The following HTRA1 variants were observed in gnomAD, a reference collection of about 807,000 sequenced individuals.
HTRA1 encodes the protein HtrA serine peptidase 1.
HTRA1 carries 26 observed loss-of-function variants against 49.7 expected under a neutral mutation model. The ratio of observed to expected loss-of-function variants is 0.52; its 90% CI spans 0.38 to 0.73. The LOEUF (loss-of-function observed/expected upper bound fraction) is 0.73. Among genes scored for constraint, HTRA1 ranks in the 30% least tolerant of loss-of-function variants. The pLI is 0.00. For missense variants in HTRA1, 561 were observed against 667.2 expected (o/e 0.84, Z 1.75); for synonymous variants, 291 against 286.9 (o/e 1.01, Z -0.14).
At chr10:122,478,300 G>A (rs1050937120) in intron 1 of HTRA1, among the ~76,000 whole-genome samples, 1 of 151,992 alleles carries the variant, frequency 6.6e-6, no homozygotes, top group Admixed American at 6.6e-5. Flanking sequence ...GCACTGTTCT[G>A]GCATTGCAGA....
chr10:122,500,714 C>G (rs1355428562), intron 3 of HTRA1, among the ~76,000 whole-genome samples: 1 of 152,168 alleles, frequency 6.6e-6, no homozygotes, highest in African/African-American at 2.4e-5. Flanking sequence ...CTGAGGCGCG[C>G]TGTCAACCTG....
chr10:122,470,595 A>G (rs1363902923), intron 1 of HTRA1, among the ~76,000 whole-genome samples: 1 of 152,050 alleles, frequency 6.6e-6, no homozygotes, highest in Non-Finnish European at 1.5e-5. Flanking sequence ...GTCCAGTGAT[A>G]TAAGGAATAT....
chr10:122,509,721 T>A (rs2097504754), intron 6 of HTRA1, among the ~76,000 whole-genome samples: 1 of 152,084 alleles, frequency 6.6e-6, no homozygotes, highest in Non-Finnish European at 1.5e-5. Context: ...GGGGACCGGT[T>A]AAGGGGCTCT....
At chr10:122,502,471 T>C (rs979777155) in intron 3 of HTRA1, among the ~76,000 whole-genome samples, 3 of 152,220 alleles carry the variant, frequency 2.0e-5, no homozygotes, top group African/African-American at 7.2e-5. Context: ...CTGGAGCCCA[T>C]GGCCAGGACT....
intron 3 of HTRA1, among the ~76,000 whole-genome samples, chr10:122,496,224 G>GTTTTTTTTTTTTTTTTTTTTTTT (rs1565427091): frequency 9.4e-5 from 3 of 32,062 alleles, no homozygotes; most frequent in Non-Finnish European, 1.9e-4. Flanking sequence ...AGAGATTGTG[G>GTTTTTTTTTTTTTTTTTTTTTTT]GTTCTTTTTT....
chr10:122,500,284 T>C (rs1292915277), intron 3 of HTRA1, among the ~76,000 whole-genome samples: 4 of 152,196 alleles, frequency 2.6e-5, no homozygotes, highest in South Asian at 4.1e-4. Context: ...TCTGACCCCA[T>C]TGGGGAGTTG....
intron 1 of HTRA1, among the ~76,000 whole-genome samples, chr10:122,476,804 C>T (rs989554826): frequency 3.9e-5 from 6 of 152,070 alleles, no homozygotes; most frequent in Non-Finnish European, 5.9e-5. Context: ...CGCTCTCCCC[C>T]GCCTCTCTGT....
At chr10:122,511,618 AGCT>A (rs2097505605) in intron 7 of HTRA1, among the ~76,000 whole-genome samples, 1 of 151,930 alleles carries the variant, frequency 6.6e-6, no homozygotes, top group Admixed American at 6.6e-5. Flanking sequence ...CTGTAATCCC[AGCT>A]ACTCGGGTGG....
intron 7 of HTRA1, among the ~76,000 whole-genome samples, chr10:122,510,437 G>A (rs1449329575): frequency 6.6e-6 from 1 of 152,208 alleles, no homozygotes; most frequent in Non-Finnish European, 1.5e-5. Context: ...TGAACAGTGT[G>A]TGCGTGGTGG....
intron 1 of HTRA1, among the ~76,000 whole-genome samples, chr10:122,488,393 C>A (rs1031168448): frequency 2.6e-5 from 4 of 152,032 alleles, no homozygotes; most frequent in Admixed American, 6.6e-5. Flanking sequence ...CGTGGTGAAA[C>A]CCGGTCCCTA....
chr10:122,506,943 G>A lies in HTRA1; in HGVS notation c.972+58G>A, dbSNP rs2097503314. On this transcript the variant is annotated intron_variant, in intron 4 of 8. Coordinates refer to ENST00000368984, the MANE Select transcript of HTRA1 (RefSeq NM_002775.5). The surrounding 1 kb of genome is among the most constrained non-coding windows in gnomAD (Gnocchi z 5.2). Reference sequence around the variant, plus strand: ...GGGCAGAGTTTTGCCAGGGGGAGAGGAGTCAGCATAGGTCTTAGCCCCTGA... The same window carrying A: ...GGGCAGAGTTTTGCCAGGGGGAGAGAAGTCAGCATAGGTCTTAGCCCCTGA... 11 of 1,472,050 alleles carry A rather than the reference G, an allele frequency of 7.5e-6. No homozygotes were observed. The highest frequency in any genetic ancestry group is 1.9e-6 in the Non-Finnish European group (2 of 1,058,552). The allele number at this position is 1,472,050 out of a possible 1,614,324, so 91.2% of individuals were successfully genotyped here.
rs1311860114 is a variant in HTRA1, at chr10:122,487,932, G to C, written c.473-970G>C. On this transcript the variant is annotated intron_variant, in intron 1 of 8. Transcript: ENST00000368984. The surrounding 1 kb of genome is among the most constrained non-coding windows in gnomAD (Gnocchi z 4.8). ...TAGGTATAAAGCATTACAGTTGTTT[G>C]ATTTTTCTCTTTTTCTCACCCACAG... Among the ~76,000 whole-genome samples, 1 of 152,166 alleles carries C rather than the reference G, an allele frequency of 6.6e-6. No individual in the cohort carries two copies. The highest frequency in any genetic ancestry group is 1.5e-5 in the Non-Finnish European group (1 of 68,014).
intron 6 of HTRA1, among the ~76,000 whole-genome samples, chr10:122,509,215 C>A (rs1318282755): frequency 3.9e-5 from 6 of 152,182 alleles, no homozygotes; most frequent in African/African-American, 1.4e-4. Flanking sequence ...TGGGGCTCAA[C>A]AGGGGCCTTT....
At chr10:122,493,335 A>G (rs1410148802) in intron 3 of HTRA1, among the ~76,000 whole-genome samples, 1 of 152,218 alleles carries the variant, frequency 6.6e-6, no homozygotes, top group Non-Finnish European at 1.5e-5. Flanking sequence ...TCCCAGCTGC[A>G]GAAAGTCGGG....
intron 1 of HTRA1, among the ~76,000 whole-genome samples, chr10:122,476,086 G>A (rs1485524739): frequency 6.6e-6 from 1 of 152,022 alleles, no homozygotes; most frequent in African/African-American, 2.4e-5. Context: ...CTCCCCTTTC[G>A]CTTCATGCCT....
At position 122,468,925 on chromosome 10, in the gene HTRA1, T is replaced by C. The variant is rs114201595; in HGVS notation, c.472+6801T>C. The stretch of plus-strand genomic sequence containing the variant: ...AAAAAAAGGCAAATTTGGGAGTCCA[T>C]GGATACCCTATTATTTTAGATTCCA... On this transcript the variant is annotated intron_variant, in intron 1 of 8. Transcript: ENST00000368984. 7.9e-3 allele frequency among the ~76,000 whole-genome samples: 1,196 copies of C among 152,308 alleles called. 19 individuals are homozygous for C. Among genetic ancestry groups the C allele is most frequent in the African/African-American group, 0.027 (1,121 of 41,562 alleles).
At chr10:122,507,059 G>A (rs1308810921) in intron 4 of HTRA1, among the ~76,000 whole-genome samples, 174 bp downstream of exon 4, 4 of 152,162 alleles carry the variant, frequency 2.6e-5, no homozygotes, top group African/African-American at 4.8e-5. Flanking sequence ...TGGCGGGGAC[G>A]GTGACACCGG....
rs376046252 is a variant in HTRA1 at position 122,489,706 on chromosome 10, T to C, written c.777+80T>C. 1.3e-4 allele frequency: 169 copies of C among 1,328,178 alleles called. No homozygotes were observed. In the African/African-American group the frequency reaches 2.2e-3, roughly 17 times the overall value. The allele number at this position is 1,328,178 out of a possible 1,614,324, so 82.3% of individuals were successfully genotyped here. ...GGCAAAGGCACCAGAGCTCTCTGAT[T>C]GCAGCTGATTCTCGGGGGGCACTGA... On this transcript the variant is annotated intron_variant, in intron 3 of 8. Transcript: ENST00000368984.
chr10:122,480,112 C>T (rs369889766), intron 1 of HTRA1, among the ~76,000 whole-genome samples: 4 of 152,096 alleles, frequency 2.6e-5, no homozygotes, highest in East Asian at 1.9e-4. Context: ...ATATTAGCTC[C>T]GTGTTACAGA....
Sources: allele counts gnomAD v4.1 joint callset (sites outside exome capture counted in the v4.1 genomes callset), GRCh38; gene constraint gnomAD v4.1.1; non-coding constraint Gnocchi (gnomAD v3.1); transcripts MANE v1.5; gene names NCBI Gene and HGNC (gene_info 2026-07-23, HGNC 2026-07-21).